Variants in LRRC7 observed in about 807,000 individuals in gnomAD.
LRRC7 encodes leucine rich repeat containing 7.
In LRRC7, 23 loss-of-function variants were observed where a neutral mutation model predicts 175.7. The ratio of observed to expected loss-of-function variants is 0.13; its 90% CI spans 0.09 to 0.19. The LOEUF (loss-of-function observed/expected upper bound fraction) is 0.19, where lower values mean the gene tolerates loss of function less well. Ranked by LOEUF, LRRC7 falls within the 10% of genes least tolerant of loss-of-function variation. The probability of loss-of-function intolerance (pLI) is 1.00; values close to 1 mark genes in which losing one functional copy is unlikely to be tolerated. For synonymous variants in LRRC7, 685 were observed against 680.9 expected (o/e 1.01, Z -0.09); for missense variants, 1,354 against 1,904.7 (o/e 0.71, Z 5.38).
At chr1:70,064,125 A>C (rs1297220978) in intron 23 of LRRC7, among the ~76,000 whole-genome samples, 1 of 151,972 alleles carries the variant, frequency 6.6e-6, no homozygotes, top group African/African-American at 2.4e-5. Flanking sequence ...AATGTCACCA[A>C]AACCCCAGGA....
chr1:69,967,460 C>T (rs547059996), intron 8 of LRRC7, among the ~76,000 whole-genome samples: 2 of 152,164 alleles, frequency 1.3e-5, no homozygotes, highest in Non-Finnish European at 2.9e-5. Flanking sequence ...CTGATACTTT[C>T]TTGAAAGCGC....
intron 1 of LRRC7, among the ~76,000 whole-genome samples, chr1:69,662,629 T>G (rs1258571302): frequency 6.6e-6 from 1 of 152,248 alleles, no homozygotes; most frequent in Admixed American, 6.5e-5. Flanking sequence ...TGTGGTTTCT[T>G]TTCACACTAA....
intron 4 of LRRC7, among the ~76,000 whole-genome samples, chr1:69,800,073 C>G (rs781567999): frequency 1.7e-4 from 26 of 151,994 alleles, no homozygotes; most frequent in Admixed American, 3.3e-4. Flanking sequence ...TTATCTCTGA[C>G]TTTTCGATTC....
At chr1:69,629,253 C>T (rs890639301) in intron 1 of LRRC7, among the ~76,000 whole-genome samples, 4 of 152,068 alleles carry the variant, frequency 2.6e-5, no homozygotes, top group African/African-American at 9.6e-5. Context: ...TATTAATATT[C>T]AACATAAGAA....
intron 24 of LRRC7, among the ~76,000 whole-genome samples, chr1:70,081,749 G>A (rs1440818368): frequency 1.3e-5 from 2 of 152,168 alleles, no homozygotes; most frequent in Admixed American, 6.5e-5. Context: ...CTCCATGTCT[G>A]CCCTGGACAA....
intron 4 of LRRC7, among the ~76,000 whole-genome samples, chr1:69,808,564 C>T (rs567428874): frequency 2.6e-4 from 39 of 152,232 alleles, no homozygotes; most frequent in African/African-American, 8.7e-4. Flanking sequence ...CAAACAGTCT[C>T]TCAGACTACA....
intron 7 of LRRC7, among the ~76,000 whole-genome samples, chr1:69,914,152 C>T (rs1157564481): frequency 6.6e-6 from 1 of 152,056 alleles, no homozygotes; most frequent in Non-Finnish European, 1.5e-5. Flanking sequence ...ATTTGAAAAA[C>T]AAGTTAAAAA....
intron 8 of LRRC7, among the ~76,000 whole-genome samples, chr1:69,941,941 A>T (rs1265015029): frequency 6.6e-6 from 1 of 152,146 alleles, no homozygotes; most frequent in Admixed American, 6.6e-5. Flanking sequence ...ATTTTCATTG[A>T]TATGCCTTGC....
chr1:69,665,164 A>G lies in LRRC7; in HGVS notation c.3-13217A>G, dbSNP rs1031000034. Among the ~76,000 whole-genome samples the G allele has an allele frequency of 3.5e-4, 53 of 152,030 alleles. 1 individual carries two copies. The highest frequency in any genetic ancestry group is 3.0e-3 in the Admixed American group (46 of 15,268). ...TCTCCATTCTGTTACACTGATCTAT[A>G]TGTCTGTTTTTATGCCAGTGAAATG... On this transcript the variant is annotated intron_variant, in intron 1 of 26. Coordinates refer to ENST00000651989, the MANE Select transcript of LRRC7 (RefSeq NM_001370785.2).
intron 2 of LRRC7, among the ~76,000 whole-genome samples, chr1:69,713,753 G>T (rs749065066): frequency 6.0e-5 from 9 of 151,008 alleles, no homozygotes; most frequent in Non-Finnish European, 1.2e-4. Flanking sequence ...ATGGCATCTC[G>T]TATGAAACTG....
chr1:69,959,749 A>T (rs1650855839), intron 8 of LRRC7, among the ~76,000 whole-genome samples: 1 of 152,188 alleles, frequency 6.6e-6, no homozygotes. Flanking sequence ...AGAAGGAAGG[A>T]TACCTAACCC....
chr1:69,750,557 G>T (rs929309520), intron 2 of LRRC7, among the ~76,000 whole-genome samples: 2 of 152,128 alleles, frequency 1.3e-5, no homozygotes, highest in Non-Finnish European at 2.9e-5. Context: ...GTTCATTTGT[G>T]CTGCTATAAT....
At chr1:69,745,635 G>A (rs1443242919) in intron 2 of LRRC7, among the ~76,000 whole-genome samples, 1 of 151,778 alleles carries the variant, frequency 6.6e-6, no homozygotes, top group Non-Finnish European at 1.5e-5. Flanking sequence ...AATATTTAAT[G>A]ATATGAGAAA....
In LRRC7 at chr1:69,676,537, T is replaced by A. The variant is rs11209515; in HGVS notation, c.3-1844T>A. Among the ~76,000 whole-genome samples the A allele has an allele frequency of 4.6e-5, 7 of 152,064 alleles. No individual in the cohort carries two copies. The East Asian group carries it at 1.4e-3, about 29-fold the overall frequency. On this transcript the variant is annotated intron_variant, in intron 1 of 26. Transcript: ENST00000651989. The stretch of plus-strand genomic sequence containing the variant: ...TTGATGTGCAAAACTGTAAACTTTA[T>A]GGAAAACAGAAAATACTGACCACAA...
intron 7 of LRRC7, among the ~76,000 whole-genome samples, chr1:69,878,072 C>T (rs565625019): frequency 6.6e-6 from 1 of 152,068 alleles, no homozygotes; most frequent in South Asian, 2.1e-4. Context: ...TAGAAGAAAA[C>T]AAGTCAAGAT....
chr1:69,803,740 A>C (rs1192774944), intron 4 of LRRC7, among the ~76,000 whole-genome samples: 1 of 151,274 alleles, frequency 6.6e-6, no homozygotes, highest in Non-Finnish European at 1.5e-5. Context: ...TTTTTCATAA[A>C]TTACAATCTA....
At chr1:69,955,798 C>T (rs1453698426) in intron 8 of LRRC7, among the ~76,000 whole-genome samples, 1 of 151,856 alleles carries the variant, frequency 6.6e-6, no homozygotes, top group East Asian at 1.9e-4. Flanking sequence ...ATTACATAAC[C>T]TTGGCCCTTG....
At chr1:70,075,444 G>A (rs616511) in intron 23 of LRRC7, among the ~76,000 whole-genome samples, 93,050 of 151,978 alleles carry the variant, frequency 0.61, 28,828 homozygotes, top group Middle Eastern at 0.68. Context: ...TAAATAAAGG[G>A]TACTGATTAA....
intron 20 of LRRC7, 38 bp downstream of exon 20, chr1:70,036,662 T>C: frequency 6.4e-7 from 1 of 1,554,002 alleles, no homozygotes; most frequent in African/African-American, 1.4e-5. Context: ...CCCAAACGTT[T>C]ATTTTCAGCA....
Sources: allele counts gnomAD v4.1 joint callset (sites outside exome capture counted in the v4.1 genomes callset), GRCh38; gene constraint gnomAD v4.1.1; transcripts MANE v1.5; gene names NCBI Gene and HGNC (gene_info 2026-07-23, HGNC 2026-07-21).